PDE2A: variants seen among roughly 807,000 people sequenced by gnomAD.
PDE2A encodes the protein phosphodiesterase 2A, also known as cGMP-dependent 3',5'-cyclic phosphodiesterase.
Under a neutral mutation model 133.6 loss-of-function variants are expected in PDE2A, and 53 were observed. The observed-to-expected ratio is 0.40, with a 90% CI of 0.32 to 0.50. PDE2A has a LOEUF of 0.50. Among genes scored for constraint, PDE2A ranks in the 20% least tolerant of loss-of-function variants. PDE2A has a pLI of 0.73. For synonymous variants in PDE2A, 491 were observed against 490.2 expected, an observed-to-expected ratio of 1.00 and a Z score of -0.02; for missense variants, 796 against 1,232.4, an observed-to-expected ratio of 0.65 and a Z score of 5.30.
At chr11:72,655,569 G>A (rs1449194045) in intron 1 of PDE2A, among the ~76,000 whole-genome samples, 1 of 151,888 alleles carries the variant, frequency 6.6e-6, no homozygotes, top group Admixed American at 6.6e-5. Flanking sequence ...CAGGAGTTGT[G>A]AATGCAAGAT....
intron 20 of PDE2A, 39 bp downstream of exon 20, chr11:72,583,394 CCGGGG>C (rs1364386197): frequency 1.5e-6 from 2 of 1,371,230 alleles, no homozygotes; most frequent in Non-Finnish European, 2.1e-6. Flanking sequence ...CCCTGGGTCC[CCGGGG>C]AATCTGGGAG....
chr11:72,621,011 T>C (rs1857746395), intron 2 of PDE2A, among the ~76,000 whole-genome samples: 1 of 152,082 alleles, frequency 6.6e-6, no homozygotes, highest in Non-Finnish European at 1.5e-5. Flanking sequence ...CCATAGAGTA[T>C]TTACCAAGTG....
rs573483317 is a variant in PDE2A, at chr11:72,630,519, T to C, written c.144+11735A>G. On this transcript the variant is annotated intron_variant, in intron 2 of 30. Transcript: ENST00000334456. ...TGGGGAAGAGGCCAGCAGGAGCAGTTTGGGGGAGGCAGGAATGGATGAAGG... is the reference window on the plus strand; with the variant it reads ...TGGGGAAGAGGCCAGCAGGAGCAGTCTGGGGGAGGCAGGAATGGATGAAGG... Among the ~76,000 whole-genome samples, 30 of 147,604 alleles carry C rather than the reference T, an allele frequency of 2.0e-4. 1 individual carries two copies. In the South Asian group the frequency reaches 5.0e-3, roughly 25 times the overall value.
chr11:72,579,480 T>C, intron 26 of PDE2A, 54 bp downstream of exon 26: 1 of 1,561,598 alleles, frequency 6.4e-7, no homozygotes, highest in Admixed American at 1.8e-5. Context: ...TTATCCCACC[T>C]CCAGCCAGCT....
intron 1 of PDE2A, 86 bp downstream of exon 1, chr11:72,674,051 A>G (rs12786089): frequency 0.016 from 22,520 of 1,378,608 alleles, 219 homozygotes; most frequent in Middle Eastern, 0.029. Context: ...CTCCATGCCA[A>G]CCCCAGCTCC....
chr11:72,655,655 C>T (rs371916549), intron 1 of PDE2A, among the ~76,000 whole-genome samples: 2 of 152,200 alleles, frequency 1.3e-5, no homozygotes, highest in South Asian at 2.1e-4. Context: ...GTCACTTAAC[C>T]TCTCTGAGCC....
chr11:72,577,447 C>T lies in PDE2A; in HGVS notation c.2763G>A (p.Glu921=), dbSNP rs1855516740. ...CCCTAGTGCCATCCAGATCAGGCAC[C>T]TCGTACTCCTCATCCAGGAAGTCCA... ...NSLDFLDEEY[E]VPDLDGTRAP... The change falls in exon 31 of 31, where the codon GAG becomes GAA. Residue 921 remains glutamate, a synonymous_variant. Coordinates refer to ENST00000334456, the MANE Select transcript of PDE2A (RefSeq NM_002599.5). 1.2e-6 allele frequency: 2 copies of T among 1,614,052 alleles called. No homozygotes were observed. Among genetic ancestry groups the T allele is most frequent in the Non-Finnish European group, 1.7e-6 (2 of 1,179,998 alleles).
chr11:72,642,406 C>T (rs1858996935), intron 1 of PDE2A, 80 bp from the exon 2 acceptor site: 4 of 1,278,018 alleles, frequency 3.1e-6, no homozygotes, highest in African/African-American at 1.5e-5. Flanking sequence ...CCCGCCGGCC[C>T]GGCCGCTGCG....
chr11:72,640,954 T>C (rs1453985558), intron 2 of PDE2A, among the ~76,000 whole-genome samples: 2 of 151,794 alleles, frequency 1.3e-5, no homozygotes, highest in Non-Finnish European at 2.9e-5. Context: ...CCACAAATAA[T>C]CCCACTCTCG....
chr11:72,605,338 C>T, intron 3 of PDE2A, 112 bp from the exon 4 acceptor site: 1 of 490,522 alleles, frequency 2.0e-6, no homozygotes, highest in Non-Finnish European at 3.6e-6. Flanking sequence ...GGGAGTGGAG[C>T]TCTGGCAATG....
Position 72,590,699 on chromosome 11 carries a change from G to A in PDE2A, c.550-119C>T, listed in dbSNP as rs115246966. ...GCCTGCCGGGCCCAGGGACCCCGCC[G>A]CCGTCCCAAACACCTCATCCCTGGA... On this transcript the variant is annotated intron_variant, in intron 7 of 30. Transcript: ENST00000334456. The surrounding 1 kb of genome is among the most constrained non-coding windows in gnomAD (Gnocchi z 4.8). 473 of 982,416 alleles carry A rather than the reference G, an allele frequency of 4.8e-4. 1 individual carries two copies. In the African/African-American group the frequency reaches 7.4e-3, roughly 15 times the overall value. The allele number at this position is 982,416 out of a possible 1,614,324, so 60.9% of individuals were successfully genotyped here.
chr11:72,656,836 C>G (rs1854913200), intron 1 of PDE2A, among the ~76,000 whole-genome samples: 1 of 152,070 alleles, frequency 6.6e-6, no homozygotes, highest in South Asian at 2.1e-4. Flanking sequence ...CCACCCTGGG[C>G]CTGTTTCCCC....
At position 72,613,883 on chromosome 11, in the gene PDE2A, C is replaced by T. The variant is rs59221047; in HGVS notation, c.145-5132G>A. 1.6e-4 allele frequency among the ~76,000 whole-genome samples: 24 copies of T among 152,326 alleles called. No homozygotes were observed. In the East Asian group the frequency reaches 3.9e-3, roughly 24 times the overall value. ...CACAGCCTCTTATCTTCCCAGAGGA[C>T]AGGGCCCTTCAAGAGCACAGGAGAA... On this transcript the variant is annotated intron_variant, in intron 2 of 30. Transcript: ENST00000334456.
At chr11:72,662,289 G>A (rs1307305464) in intron 1 of PDE2A, among the ~76,000 whole-genome samples, 1 of 152,146 alleles carries the variant, frequency 6.6e-6, no homozygotes, top group African/African-American at 2.4e-5. Context: ...GCCCAGAGAG[G>A]CTGACACAAC....
chr11:72,631,123 A>T lies in PDE2A; in HGVS notation c.144+11131T>A, dbSNP rs1858359869. On this transcript the variant is annotated intron_variant, in intron 2 of 30. Coordinates refer to ENST00000334456, the MANE Select transcript of PDE2A (RefSeq NM_002599.5). ...TCCCTGGGGGTCCTGGCTCCTTTGC[A>T]AGGGGGTCCAGGCTGGCTGCAGAGA... 1.9e-6 allele frequency: 3 copies of T among 1,545,750 alleles called. No homozygotes were observed. The East Asian group carries it at 7.4e-5, about 38-fold the overall frequency.
At chr11:72,634,804 T>C (rs1858598275) in intron 2 of PDE2A, among the ~76,000 whole-genome samples, 1 of 152,186 alleles carries the variant, frequency 6.6e-6, no homozygotes, top group East Asian at 1.9e-4. Context: ...CTGTCACCCT[T>C]GGGGCAAGAA....
At chr11:72,658,234 C>A in intron 1 of PDE2A, 1 of 413,460 alleles carries the variant, frequency 2.4e-6, no homozygotes, top group Non-Finnish European at 4.9e-6. Context: ...CTGGTCTCCC[C>A]CATCAGATTG....
rs1591027814 is a variant in PDE2A, at chr11:72,588,664, A to G, written c.1070+120T>C. The G allele has an allele frequency of 5.3e-6, 5 of 940,328 alleles. No individual in the cohort carries two copies. The African/African-American group carries it at 6.5e-5, about 12-fold the overall frequency. The allele number at this position is 940,328 out of a possible 1,614,324, so 58.2% of individuals were successfully genotyped here. A position where few individuals can be genotyped will look rare whatever the true frequency, so the allele number is the denominator to read the frequency against. The stretch of plus-strand genomic sequence containing the variant: ...TTCTCTTGCACTAACACACTGTTCA[A>G]CCCACTGCTGCTGAGACAGTAGCCC... On this transcript the variant is annotated intron_variant, in intron 13 of 30. Coordinates refer to ENST00000334456, the MANE Select transcript of PDE2A (RefSeq NM_002599.5).
chr11:72,616,114 G>T (rs1450180256), intron 2 of PDE2A, among the ~76,000 whole-genome samples: 1 of 152,208 alleles, frequency 6.6e-6, no homozygotes. Flanking sequence ...AGAGGAGGAG[G>T]ACGCTGAGTG....
Sources: gnomAD v4.1 joint callset for allele counts (sites outside exome capture counted in the v4.1 genomes callset) on GRCh38, gnomAD v4.1.1 for gene constraint, Gnocchi (gnomAD v3.1) non-coding constraint, MANE v1.5 for transcripts, NCBI Gene and HGNC (gene_info 2026-07-23, HGNC 2026-07-21) for gene names.